The following ADAMTS9 variants were observed in gnomAD, a reference collection of about 807,000 sequenced individuals.
ADAMTS9 encodes ADAM metallopeptidase with thrombospondin type 1 motif 9, also known as A disintegrin and metalloproteinase with thrombospondin motifs 9.
Under a neutral mutation model 257.1 loss-of-function variants are expected in ADAMTS9, and 107 were observed. The ratio of observed to expected loss-of-function variants is 0.42; its 90% CI spans 0.36 to 0.49. ADAMTS9 has a LOEUF of 0.49. Ranked by LOEUF, ADAMTS9 falls within the 20% of genes least tolerant of loss-of-function variation. The probability of loss-of-function intolerance (pLI) is 0.03; values close to 1 mark genes in which losing one functional copy is unlikely to be tolerated. For synonymous variants in ADAMTS9, 982 were observed against 880.9 expected (o/e 1.11, Z -2.03); for missense variants, 2,353 against 2,469.1 (o/e 0.95, Z 1.00).
intron 12 of ADAMTS9, among the ~76,000 whole-genome samples, chr3:64,639,315 A>ATT (rs1458635047): frequency 6.3e-5 from 4 of 63,776 alleles, no homozygotes; most frequent in African/African-American, 2.7e-4. Context: ...TTTTTTTTAA[A>ATT]AAAAAAAAAA....
intron 28 of ADAMTS9, among the ~76,000 whole-genome samples, chr3:64,593,154 G>A (rs2084293867): frequency 6.6e-6 from 1 of 152,134 alleles, no homozygotes; most frequent in Non-Finnish European, 1.5e-5. Flanking sequence ...TACCAGTGGA[G>A]ATAATGCTCC....
In ADAMTS9 at chr3:64,631,695, T is replaced by C. The variant is rs13079218; in HGVS notation, c.2293+113A>G. Reference sequence around the variant, plus strand: ...CTTCTAGTCGATGGATAATCCACCATAACGAGACTGATTTTTATGCTCGAC... The same window carrying C: ...CTTCTAGTCGATGGATAATCCACCACAACGAGACTGATTTTTATGCTCGAC... On this transcript the variant is annotated intron_variant, in intron 15 of 39. Transcript: ENST00000498707. The C allele has an allele frequency of 0.24, 285,250 of 1,205,376 alleles. 37,811 individuals are homozygous for C. Among genetic ancestry groups the C allele is most frequent in the Non-Finnish European group, 0.27 (220,379 of 819,632 alleles). 74.7% of individuals were successfully genotyped at this position (1,205,376 alleles called of 1,614,324 possible).
In ADAMTS9 at chr3:64,528,005, C is replaced by T. The variant is rs150226384; in HGVS notation, c.5718+5161G>A. On this transcript the variant is annotated intron_variant, in intron 38 of 39. Transcript: ENST00000498707. ...ATCTCTTCTATGGTAACACAACTTT[C>T]GTTATTTTTTAACTTCAAAGCAATT... Among the ~76,000 whole-genome samples, 399 of 152,258 alleles carry T rather than the reference C, an allele frequency of 2.6e-3. 1 individual carries two copies. The highest frequency in any genetic ancestry group is 4.0e-3 in the Non-Finnish European group (271 of 68,014).
chr3:64,541,492 A>G, intron 34 of ADAMTS9, 34 bp downstream of exon 34: 1 of 1,609,122 alleles, frequency 6.2e-7, no homozygotes, highest in Non-Finnish European at 8.5e-7. Context: ...CTCTAAAAAC[A>G]TTCTTGAAAT....
intron 12 of ADAMTS9, among the ~76,000 whole-genome samples, chr3:64,635,094 A>G (rs1031558513): frequency 5.9e-5 from 9 of 152,106 alleles, no homozygotes; most frequent in African/African-American, 2.2e-4. Context: ...ACACTGCCCA[A>G]TCTAATCTGA....
At chr3:64,643,763 C>A (rs891125882) in intron 11 of ADAMTS9, among the ~76,000 whole-genome samples, 7 of 151,878 alleles carry the variant, frequency 4.6e-5, no homozygotes, top group African/African-American at 1.7e-4. Context: ...ACACACCTGG[C>A]CTACTAATTA....
At chr3:64,559,186 G>A (rs982532165) in intron 30 of ADAMTS9, among the ~76,000 whole-genome samples, 2 of 152,182 alleles carry the variant, frequency 1.3e-5, no homozygotes, top group African/African-American at 4.8e-5. Context: ...ATCAATTAAG[G>A]TAATTGCCCA....
intron 3 of ADAMTS9, among the ~76,000 whole-genome samples, chr3:64,668,201 T>C (rs1006844945): frequency 2.0e-5 from 3 of 152,202 alleles, no homozygotes; most frequent in African/African-American, 7.2e-5. Flanking sequence ...AGAAATAAAA[T>C]GCAAGCCACA....
At chr3:64,685,145 C>G (rs373176302) in intron 2 of ADAMTS9, 16 of 152,350 alleles carry the variant, frequency 1.1e-4, no homozygotes, top group African/African-American at 3.6e-4. Flanking sequence ...CGGCTCCGGG[C>G]GCTTTGCTGG....
intron 4 of ADAMTS9, among the ~76,000 whole-genome samples, chr3:64,656,238 G>A (rs539387382): frequency 2.0e-5 from 3 of 152,258 alleles, no homozygotes; most frequent in South Asian, 2.1e-4. Context: ...CACGTTAGCC[G>A]ACACTGCTAT....
At chr3:64,580,372 T>C (rs1234891756) in intron 28 of ADAMTS9, among the ~76,000 whole-genome samples, 5 of 152,110 alleles carry the variant, frequency 3.3e-5, no homozygotes, top group Non-Finnish European at 1.5e-5. Flanking sequence ...GAGCCCAAGA[T>C]TTTGTAAAGT....
chr3:64,579,696 T>C (rs542690881), intron 28 of ADAMTS9, among the ~76,000 whole-genome samples: 9 of 152,286 alleles, frequency 5.9e-5, no homozygotes, highest in African/African-American at 1.7e-4. Flanking sequence ...TAATATCCAA[T>C]AGAACCTAGA....
At chr3:64,592,201 G>C (rs1379686234) in intron 28 of ADAMTS9, among the ~76,000 whole-genome samples, 1 of 152,128 alleles carries the variant, frequency 6.6e-6, no homozygotes, top group African/African-American at 2.4e-5. Context: ...TTGCAGAAGT[G>C]GCCTTGCTCT....
Position 64,519,138 on chromosome 3 carries a change from A to C in ADAMTS9, c.*6-2017T>G, listed in dbSNP as rs560736974. ...GGGCCTCAGCTTCCTCATATGTAAA[A>C]TAGCAGCTCCTCCACACAGTTTTGT... On this transcript the variant is annotated intron_variant, in intron 39 of 39. Coordinates refer to ENST00000498707, the MANE Select transcript of ADAMTS9 (RefSeq NM_182920.2). 4.6e-5 allele frequency among the ~76,000 whole-genome samples: 7 copies of C among 152,330 alleles called. No individual in the cohort carries two copies. The South Asian group carries it at 1.4e-3, about 32-fold the overall frequency.
At position 64,681,514 on chromosome 3, in the gene ADAMTS9, G is replaced by A. The variant is rs1188576204; in HGVS notation, c.517-151C>T. On this transcript the variant is annotated intron_variant, in intron 2 of 39. Transcript: ENST00000498707. Reference sequence around the variant, plus strand: ...TTCAACTGAAAATGCTGCAACATATGCGGAGAAGTGGTTTATTTCCACTCT... The same window carrying A: ...TTCAACTGAAAATGCTGCAACATATACGGAGAAGTGGTTTATTTCCACTCT... 5.7e-6 allele frequency: 4 copies of A among 707,256 alleles called. No individual in the cohort carries two copies. In the African/African-American group the frequency reaches 7.3e-5, roughly 13 times the overall value. 43.8% of individuals were successfully genotyped at this position (707,256 alleles called of 1,614,324 possible). A position where few individuals can be genotyped will look rare whatever the true frequency, so the allele number is the denominator to read the frequency against.
At chr3:64,641,599 C>T (rs971724959) in intron 12 of ADAMTS9, among the ~76,000 whole-genome samples, 10 of 150,774 alleles carry the variant, frequency 6.6e-5, no homozygotes, top group African/African-American at 9.8e-5. Flanking sequence ...GGAAACAGAC[C>T]GACCACAAAA....
chr3:64,642,373 G>A (rs999458641), intron 11 of ADAMTS9, among the ~76,000 whole-genome samples: 1 of 152,076 alleles, frequency 6.6e-6, no homozygotes, highest in African/African-American at 2.4e-5. Flanking sequence ...CCATCAACAA[G>A]GCCTAGAGAA....
intron 26 of ADAMTS9, among the ~76,000 whole-genome samples, chr3:64,599,388 C>T (rs537597552): frequency 2.0e-5 from 3 of 152,226 alleles, no homozygotes; most frequent in South Asian, 2.1e-4. Context: ...ATTAGTAAAA[C>T]GTACTTGAAA....
intron 37 of ADAMTS9, among the ~76,000 whole-genome samples, chr3:64,535,566 T>G (rs1575988884): frequency 6.9e-6 from 1 of 144,664 alleles, no homozygotes; most frequent in Non-Finnish European, 1.5e-5. Context: ...TTTTTTTTTT[T>G]TTTTTGAGAC....
Sources: gnomAD v4.1 joint callset for allele counts (sites outside exome capture counted in the v4.1 genomes callset) on GRCh38, gnomAD v4.1.1 for gene constraint, MANE v1.5 for transcripts, NCBI Gene and HGNC (gene_info 2026-07-23, HGNC 2026-07-21) for gene names.